ANTXRL: variants seen among roughly 807,000 people sequenced by gnomAD.
ANTXRL encodes the protein anthrax toxin receptor-like.
Under a neutral mutation model 75.4 loss-of-function variants are expected in ANTXRL, and 63 were observed. The observed-to-expected ratio is 0.84, with a 90% CI of 0.68 to 1.03. The LOEUF is 1.03. Among genes scored for constraint, ANTXRL ranks in the 50% least tolerant of loss-of-function variants. The pLI is 0.00. For synonymous variants in ANTXRL, 335 were observed against 291.3 expected (o/e 1.15, Z -1.53); for missense variants, 797 against 789.4 (o/e 1.01, Z -0.12).
In ANTXRL at chr10:46,297,989, T is replaced by A; in HGVS notation, c.736-13T>A. ...CACTCTCCCTGTCCCGCCCCACCCCTCCTGTGTTCCAGCTCACGTCAAAGG... is the reference window on the plus strand; with the variant it reads ...CACTCTCCCTGTCCCGCCCCACCCCACCTGTGTTCCAGCTCACGTCAAAGG... On this transcript the variant is annotated splice_polypyrimidine_tract_variant and intron_variant, in intron 8 of 16. Transcript: ENST00000620264. The A allele has an allele frequency of 5.9e-6, 9 of 1,534,846 alleles. No homozygotes were observed. The highest frequency in any genetic ancestry group is 7.9e-6 in the Non-Finnish European group (9 of 1,145,938).
At chr10:46,310,578 C>A (rs1309205766) in intron 14 of ANTXRL, 79 bp downstream of exon 14, 20 of 1,404,810 alleles carry the variant, frequency 1.4e-5, no homozygotes, top group South Asian at 4.9e-5. Flanking sequence ...ATGAAGCCTG[C>A]GCCCCATGAT....
At chr10:46,319,870 C>T (rs1269149012) in intron 16 of ANTXRL, among the ~76,000 whole-genome samples, 3 of 152,080 alleles carry the variant, frequency 2.0e-5, no homozygotes, top group Non-Finnish European at 4.4e-5. Context: ...CAGCCAGCCA[C>T]CTTTTAAATT....
At chr10:46,293,289 C>T (rs1221982646) in intron 2 of ANTXRL, among the ~76,000 whole-genome samples, 10 of 43,856 alleles carry the variant, frequency 2.3e-4, no homozygotes, top group African/African-American at 6.1e-4. Context: ...AGAGTGTGTG[C>T]GTGTGTGCCT....
chr10:46,307,536 C>G (rs1554962255), intron 12 of ANTXRL, 56 bp downstream of exon 12: 1 of 1,444,794 alleles, frequency 6.9e-7, no homozygotes, highest in Non-Finnish European at 9.4e-7. Flanking sequence ...AGCCTCTGCA[C>G]TAGAAGGAGC....
rs144841386 is a variant in ANTXRL at position 46,302,719 on chromosome 10, C to A, written c.797-3C>A. ...CTCAGCCTTTTGAATGTTGTCCTTG[C>A]AGAACCCTACCATGTGGTTATTCAT... On this transcript the variant is annotated splice_polypyrimidine_tract_variant and splice_region_variant and intron_variant, in intron 9 of 16. Transcript: ENST00000620264. The A allele has an allele frequency of 3.8e-4, 581 of 1,534,126 alleles. 2 individuals carry two copies. In the African/African-American group the frequency reaches 6.8e-3, roughly 18 times the overall value.
intron 16 of ANTXRL, among the ~76,000 whole-genome samples, chr10:46,315,653 C>G (rs1375522492): frequency 6.6e-6 from 1 of 152,164 alleles, no homozygotes; most frequent in Admixed American, 6.5e-5. Flanking sequence ...GCATTGTGGG[C>G]TGACCTGGGG....
At chr10:46,315,557 A>T (rs1838679648) in intron 16 of ANTXRL, among the ~76,000 whole-genome samples, 1 of 152,054 alleles carries the variant, frequency 6.6e-6, no homozygotes, top group Non-Finnish European at 1.5e-5. Context: ...AGGTTGGGGG[A>T]TCCTGACAGA....
chr10:46,300,098 C>A (rs1218407606), intron 9 of ANTXRL, among the ~76,000 whole-genome samples: 3 of 152,190 alleles, frequency 2.0e-5, no homozygotes, highest in Non-Finnish European at 4.4e-5. Flanking sequence ...TGTGAGTCTT[C>A]ACTCCTCCCT....
intron 12 of ANTXRL, 39 bp from the exon 13 acceptor site, chr10:46,309,074 C>G: frequency 6.5e-7 from 1 of 1,535,264 alleles, no homozygotes; most frequent in Admixed American, 2.0e-5. Flanking sequence ...GGGGAAGAGG[C>G]CACCGAGGCC....
chr10:46,325,239 A>G (rs551150297), intron 16 of ANTXRL, among the ~76,000 whole-genome samples: 7 of 152,256 alleles, frequency 4.6e-5, no homozygotes, highest in African/African-American at 1.7e-4. Flanking sequence ...AGTCCAGCCT[A>G]AAGGGAGGAG....
intron 16 of ANTXRL, among the ~76,000 whole-genome samples, chr10:46,319,762 C>G (rs553957289): frequency 1.1e-3 from 167 of 152,294 alleles, no homozygotes; most frequent in African/African-American, 3.8e-3. Flanking sequence ...TGCCTGCAAA[C>G]CAACTGTCAG....
At chr10:46,300,451 C>T (rs1837653860) in intron 9 of ANTXRL, among the ~76,000 whole-genome samples, 1 of 152,132 alleles carries the variant, frequency 6.6e-6, no homozygotes, top group African/African-American at 2.4e-5. Context: ...GGTGGCCTCA[C>T]CGCTCAAGGC....
Position 46,299,195 on chromosome 10 carries a change from G to A in ANTXRL, c.796+1133G>A, listed in dbSNP as rs540510858. ...ACAAAATAGGAAACAGGAACCAAGC[G>A]GTTATCTCAGGGGATGAAGAACAAG... is the stretch of plus-strand genomic sequence containing the variant. On this transcript the variant is annotated intron_variant, in intron 9 of 16. Coordinates refer to ENST00000620264, the MANE Select transcript of ANTXRL (RefSeq NM_001278688.3). 8.5e-5 allele frequency among the ~76,000 whole-genome samples: 13 copies of A among 152,088 alleles called. No individual in the cohort carries two copies. The South Asian group carries it at 2.1e-3, about 24-fold the overall frequency.
intron 12 of ANTXRL, among the ~76,000 whole-genome samples, chr10:46,308,202 C>A (rs1258794191): frequency 2.0e-5 from 3 of 152,162 alleles, no homozygotes; most frequent in Non-Finnish European, 4.4e-5. Flanking sequence ...TCTATCCTTG[C>A]CTGTCCCTGC....
intron 16 of ANTXRL, 149 bp from the exon 17 acceptor site, chr10:46,329,450 A>G: frequency 9.5e-7 from 1 of 1,048,934 alleles, no homozygotes; most frequent in Non-Finnish European, 1.3e-6. Context: ...TGGAGGCAGC[A>G]CCAAGGGGAG....
At chr10:46,329,557 A>G (rs1554967079) in intron 16 of ANTXRL, 42 bp from the exon 17 acceptor site, 1 of 1,520,418 alleles carries the variant, frequency 6.6e-7, no homozygotes, top group East Asian at 2.5e-5. Context: ...GCCCAGTTCG[A>G]ATGCCATCAC....
intron 10 of ANTXRL, among the ~76,000 whole-genome samples, chr10:46,306,213 G>C (rs1427432919): frequency 6.6e-6 from 1 of 152,192 alleles, no homozygotes; most frequent in Non-Finnish European, 1.5e-5. Context: ...CACCTCTTCA[G>C]AGATAATTTA....
chr10:46,289,660 T>G (rs1370189853), intron 1 of ANTXRL, among the ~76,000 whole-genome samples: 1 of 152,050 alleles, frequency 6.6e-6, no homozygotes, highest in Non-Finnish European at 1.5e-5. Context: ...GCCTGAGAGG[T>G]CAAGACTGCT....
At position 46,287,450 on chromosome 10, in the gene ANTXRL, G is replaced by A. The variant is rs150519707; in HGVS notation, c.188G>A (p.Arg63His). The change falls in exon 1 of 17, where the codon CGC becomes CAC. Residue 63 changes from arginine to histidine, a missense_variant. By Grantham distance (29) the Arg-to-His change is conservative. Transcript: ENST00000620264. The stretch of plus-strand genomic sequence containing the variant: ...GGCCCAGGATGGAGGCAGCACTGGC[G>A]CCAGGGGCAAGCAGGTCACAGATGC... ...HHGPGWRQHWRQGQAGHRCQG... is the reference protein window; with the variant it reads ...HHGPGWRQHWHQGQAGHRCQG... 5.8e-4 allele frequency: 885 copies of A among 1,535,894 alleles called. 8 individuals are homozygous for A. In the East Asian group the frequency reaches 0.018, roughly 31 times the overall value.
Sources: gnomAD v4.1 joint callset for allele counts (sites outside exome capture counted in the v4.1 genomes callset) on GRCh38, gnomAD v4.1.1 for gene constraint, MANE v1.5 for transcripts, NCBI Gene and HGNC (gene_info 2026-07-23, HGNC 2026-07-21) for gene names.